The following AHCYL2 variants were observed in gnomAD, a reference collection of about 807,000 sequenced individuals.
AHCYL2 encodes the protein adenosylhomocysteinase like 2, also known as S-adenosylhomocysteine hydrolase-like protein 2.
A neutral mutation model predicts 81.4 loss-of-function variants in AHCYL2; 28 were observed. The ratio of observed to expected loss-of-function variants is 0.34; its 90% confidence interval spans 0.25 to 0.47. AHCYL2 has a LOEUF of 0.47. AHCYL2 is among the 20% of genes least tolerant of loss of function. AHCYL2 has a pLI of 1.00. For synonymous variants in AHCYL2, 272 were observed against 290.2 expected, an observed-to-expected ratio of 0.94 and a Z score of 0.64; for missense variants, 551 against 785.1, an observed-to-expected ratio of 0.70 and a Z score of 3.56.
chr7:129,363,950 G>T (rs1794017528), intron 1 of AHCYL2, among the ~76,000 whole-genome samples: 1 of 152,078 alleles, frequency 6.6e-6, no homozygotes, highest in Admixed American at 6.5e-5. Flanking sequence ...GAGAAAATAG[G>T]CTGGGCACGG....
intron 1 of AHCYL2, among the ~76,000 whole-genome samples, chr7:129,281,557 C>A (rs779377674): frequency 7.3e-6 from 1 of 136,924 alleles, no homozygotes; most frequent in South Asian, 2.3e-4. Context: ...AGTGCAATGG[C>A]GTGATCTCGG....
chr7:129,227,437 A>G (rs1794264607), intron 1 of AHCYL2, among the ~76,000 whole-genome samples: 1 of 138,388 alleles, frequency 7.2e-6, no homozygotes, highest in Non-Finnish European at 1.5e-5. Context: ...TCCGGGCAAC[A>G]TGGTGAAAAC....
chr7:129,340,931 A>G (rs906410923), intron 1 of AHCYL2, among the ~76,000 whole-genome samples: 9 of 152,084 alleles, frequency 5.9e-5, no homozygotes, highest in African/African-American at 1.9e-4. Context: ...CATATTTTGT[A>G]TATATATCTG....
intron 1 of AHCYL2, among the ~76,000 whole-genome samples, chr7:129,226,184 G>A (rs1584676508): frequency 6.6e-6 from 1 of 152,220 alleles, no homozygotes; most frequent in Admixed American, 6.5e-5. Context: ...AAGAAATGCT[G>A]CTACTTTTGG....
At chr7:129,233,864 G>A (rs1794538647) in intron 1 of AHCYL2, among the ~76,000 whole-genome samples, 1 of 152,078 alleles carries the variant, frequency 6.6e-6, no homozygotes, top group South Asian at 2.1e-4. Flanking sequence ...GGAAGCTGCT[G>A]AATGGGAATT....
At chr7:129,376,067 G>A in intron 1 of AHCYL2, 1 of 1,054,008 alleles carries the variant, frequency 9.5e-7, no homozygotes, top group Non-Finnish European at 1.4e-6. Flanking sequence ...TCTTTTAACA[G>A]TCTCTTTCCC....
At chr7:129,316,853 T>C (rs1305575156) in intron 1 of AHCYL2, among the ~76,000 whole-genome samples, 2 of 152,246 alleles carry the variant, frequency 1.3e-5, no homozygotes, top group East Asian at 1.9e-4. Context: ...GATGAAATCC[T>C]ATTGAAACGA....
chr7:129,410,666 A>G (rs1796525124), intron 11 of AHCYL2, among the ~76,000 whole-genome samples: 1 of 152,350 alleles, frequency 6.6e-6, no homozygotes, highest in Non-Finnish European at 1.5e-5. Flanking sequence ...TCATAGTTAG[A>G]GAAAGTAGAC....
chr7:129,282,779 TA>T, intron 1 of AHCYL2, among the ~76,000 whole-genome samples: 1 of 152,162 alleles, frequency 6.6e-6, no homozygotes, highest in East Asian at 1.9e-4. Flanking sequence ...ATTTTTTTTT[TA>T]TTTGTTCTGT....
chr7:129,325,476 C>T (rs1798190218), intron 1 of AHCYL2, among the ~76,000 whole-genome samples: 2 of 151,952 alleles, frequency 1.3e-5, no homozygotes, highest in Admixed American at 6.6e-5. Context: ...TAGATTTGAG[C>T]AATTTGATTG....
chr7:129,409,939 G>A (rs2150946972), intron 11 of AHCYL2, among the ~76,000 whole-genome samples: 1 of 150,740 alleles, frequency 6.6e-6, no homozygotes, highest in Admixed American at 6.6e-5. Flanking sequence ...ACAAACCAGA[G>A]TTTGGATTCC....
intron 4 of AHCYL2, among the ~76,000 whole-genome samples, chr7:129,396,174 CT>C (rs1367977975): frequency 6.6e-6 from 1 of 151,478 alleles, no homozygotes; most frequent in East Asian, 1.9e-4. Context: ...CCAGGCTGGA[CT>C]GCAGTGGCAC....
At chr7:129,269,696 A>C (rs1795942010) in intron 1 of AHCYL2, among the ~76,000 whole-genome samples, 1 of 152,162 alleles carries the variant, frequency 6.6e-6, no homozygotes, top group South Asian at 2.1e-4. Context: ...TAAGCCTCTC[A>C]AAGTGTAGCC....
chr7:129,245,025 CTTTTTTTT>C (rs11457350), intron 1 of AHCYL2, among the ~76,000 whole-genome samples: 1 of 115,784 alleles, frequency 8.6e-6, no homozygotes, highest in Non-Finnish European at 1.8e-5. Flanking sequence ...GTAGAATATT[CTTTTTTTT>C]TTTTTTTTTT....
intron 6 of AHCYL2, among the ~76,000 whole-genome samples, chr7:129,402,542 G>C (rs896935848): frequency 6.6e-6 from 1 of 152,216 alleles, no homozygotes; most frequent in Admixed American, 6.5e-5. Flanking sequence ...ACTTCTGACA[G>C]CCTAGGGAAG....
In AHCYL2 at chr7:129,225,385, G is replaced by C. The variant is rs1183406010; in HGVS notation, c.309G>C (p.Glu103Asp). 6.6e-7 allele frequency: 1 copy of C among 1,517,190 alleles called. No individual in the cohort carries two copies. Among genetic ancestry groups the C allele is most frequent in the African/African-American group, 1.4e-5 (1 of 70,362 alleles). 94.0% of individuals were successfully genotyped at this position (1,517,190 alleles called of 1,614,324 possible). ...ACCAGCGGCACCGCGACGGCGGCGA[G>C]GCCCTGGTCAGCCCCGACGGCACCG... ...HQHQRHRDGG[E>D]ALVSPDGTVT... The change falls in exon 1 of 17, where the codon GAG becomes GAC. Residue 103 changes from glutamate (E) to aspartate (D), a missense_variant. By Grantham distance (45) the Glu-to-Asp change is conservative. This residue lies in a region of AHCYL2 where 235 missense variants were observed against 242.1 expected (regional missense o/e 0.97). Transcript: ENST00000325006.
At chr7:129,307,930 C>G (rs1797502201) in intron 1 of AHCYL2, among the ~76,000 whole-genome samples, 1 of 151,806 alleles carries the variant, frequency 6.6e-6, no homozygotes, top group Non-Finnish European at 1.5e-5. Flanking sequence ...GTGCTCTTTC[C>G]TACTGTGGCT....
chr7:129,408,282 A>G (rs184062015), intron 10 of AHCYL2, among the ~76,000 whole-genome samples: 23 of 152,344 alleles, frequency 1.5e-4, no homozygotes, highest in Non-Finnish European at 3.2e-4. Flanking sequence ...AGGGGTTACT[A>G]TAGTAATCTA....
intron 1 of AHCYL2, among the ~76,000 whole-genome samples, chr7:129,254,976 A>G (rs891421875): frequency 3.3e-5 from 5 of 152,188 alleles, no homozygotes; most frequent in African/African-American, 9.6e-5. Flanking sequence ...AATAGTAGCT[A>G]CATTAAAAGT....
Sources: allele counts gnomAD v4.1 joint callset (sites outside exome capture counted in the v4.1 genomes callset), GRCh38; gene constraint gnomAD v4.1.1; regional missense constraint gnomAD v4.1.1; transcripts MANE v1.5; gene names NCBI Gene and HGNC (gene_info 2026-07-23, HGNC 2026-07-21).